The following LBH variants were observed in gnomAD, a reference collection of about 807,000 sequenced individuals.
LBH encodes the protein LBH regulator of Wnt signaling pathway, also known as protein LBH.
Under a neutral mutation model 12.5 loss-of-function variants are expected in LBH, and 7 were observed. The ratio of observed to expected loss-of-function variants is 0.56; its 90% CI spans 0.32 to 1.05. The LOEUF (loss-of-function observed/expected upper bound fraction) is 1.05. Among genes scored for constraint, LBH ranks in the 50% least tolerant of loss-of-function variants. The pLI, the probability that LBH is intolerant of heterozygous loss-of-function variation, is 0.04. For missense variants in LBH, 119 were observed against 138.9 expected (o/e 0.86, Z 0.72); for synonymous variants, 51 against 50.1 (o/e 1.02, Z -0.08).
intron 2 of LBH, among the ~76,000 whole-genome samples, chr2:30,252,951 T>C (rs941677911): frequency 6.6e-6 from 1 of 152,190 alleles, no homozygotes; most frequent in Non-Finnish European, 1.5e-5. Context: ...GATTTGTGTT[T>C]GTTTTTGCCT....
intron 2 of LBH, among the ~76,000 whole-genome samples, chr2:30,249,871 T>C (rs1048080360): frequency 2.6e-5 from 4 of 152,176 alleles, no homozygotes; most frequent in African/African-American, 9.7e-5. Context: ...AGATCAGCAT[T>C]AGCACTGACC....
intron 2 of LBH, among the ~76,000 whole-genome samples, chr2:30,239,097 G>A (rs1440026962): frequency 6.6e-6 from 1 of 151,914 alleles, no homozygotes; most frequent in Non-Finnish European, 1.5e-5. Flanking sequence ...CTCCACGTTG[G>A]CCCTTCCCAC....
chr2:30,248,032 T>C (rs1677907006), intron 2 of LBH, among the ~76,000 whole-genome samples: 1 of 152,196 alleles, frequency 6.6e-6, no homozygotes, highest in Admixed American at 6.5e-5. Context: ...GCAGTTGAGC[T>C]TGGAGAATGG....
intron 2 of LBH, among the ~76,000 whole-genome samples, chr2:30,252,272 C>CAGTATAGTGTTA (rs1172747501): frequency 1.3e-5 from 2 of 152,196 alleles, no homozygotes; most frequent in East Asian, 3.8e-4. Context: ...CTCTCTCCTG[C>CAGTATAGTGTTA]CACCTTGTGA....
At chr2:30,237,064 T>G (rs1558385735) in intron 2 of LBH, among the ~76,000 whole-genome samples, 1 of 152,192 alleles carries the variant, frequency 6.6e-6, no homozygotes, top group Admixed American at 6.5e-5. Flanking sequence ...TGGCTGGGAC[T>G]GGCACTTGGC....
chr2:30,252,661 CAAAAAAA>C (rs563770027), intron 2 of LBH, among the ~76,000 whole-genome samples: 1 of 131,748 alleles, frequency 7.6e-6, no homozygotes, highest in Non-Finnish European at 1.7e-5. Flanking sequence ...GACTCCGTCT[CAAAAAAA>C]AAAAAAACCT....
chr2:30,232,351 C>T, intron 1 of LBH: 1 of 1,136,650 alleles, frequency 8.8e-7, no homozygotes, highest in Non-Finnish European at 1.2e-6. Flanking sequence ...TAAAAACCGA[C>T]GCACATTGGT....
intron 2 of LBH, among the ~76,000 whole-genome samples, chr2:30,250,964 A>G (rs1375668559): frequency 1.3e-5 from 2 of 151,914 alleles, no homozygotes; most frequent in Non-Finnish European, 2.9e-5. Context: ...ATTGATATTT[A>G]TAGTATATAA....
At chr2:30,255,050 T>G (rs887863853) in intron 2 of LBH, among the ~76,000 whole-genome samples, 4 of 152,246 alleles carry the variant, frequency 2.6e-5, no homozygotes, top group African/African-American at 9.6e-5. Context: ...AGATGTAGGT[T>G]TGAATCCTGG....
In LBH at chr2:30,231,670, C is replaced by A; in HGVS notation, c.-69C>A. On this transcript the variant is annotated 5_prime_UTR_variant, in exon 1 of 3. Transcript: ENST00000395323. Reference sequence around the variant, plus strand: ...CTGCCGTGCCCGTCTGCGCCCGTGTCATCCTCACTCGGGACGCAGGGACCG... The same window carrying A: ...CTGCCGTGCCCGTCTGCGCCCGTGTAATCCTCACTCGGGACGCAGGGACCG... 2 of 1,486,600 alleles carry A rather than the reference C, an allele frequency of 1.3e-6. No individual in the cohort carries two copies. Among genetic ancestry groups the A allele is most frequent in the South Asian group, 1.2e-5 (1 of 86,278 alleles). 92.1% of individuals were successfully genotyped at this position (1,486,600 alleles called of 1,614,324 possible).
intron 2 of LBH, among the ~76,000 whole-genome samples, chr2:30,250,146 C>T (rs186007101): frequency 6.6e-6 from 1 of 152,164 alleles, no homozygotes; most frequent in Non-Finnish European, 1.5e-5. Flanking sequence ...GAGCAATTTT[C>T]CTGAGCGGGT....
chr2:30,238,728 C>T (rs927316792), intron 2 of LBH, among the ~76,000 whole-genome samples: 2 of 152,126 alleles, frequency 1.3e-5, no homozygotes, highest in Non-Finnish European at 2.9e-5. Context: ...TAGTATTTGC[C>T]TCGTGCAGTT....
chr2:30,232,166 C>A, intron 1 of LBH: 2 of 1,541,900 alleles, frequency 1.3e-6, no homozygotes, highest in South Asian at 2.4e-5. Flanking sequence ...TGTTTGCATG[C>A]AAGTCTCAAC....
chr2:30,231,708 A>T lies in LBH; in HGVS notation c.-31A>T. 1 of 1,585,922 alleles carries T rather than the reference A, an allele frequency of 6.3e-7. No homozygotes were observed. Among genetic ancestry groups the T allele is most frequent in the African/African-American group, 1.4e-5 (1 of 72,818 alleles). On this transcript the variant is annotated 5_prime_UTR_variant, in exon 1 of 3. Transcript: ENST00000395323. The stretch of plus-strand genomic sequence containing the variant: ...GACGCAGGGACCGTTTTTAAATCAC[A>T]GGGGCGTGTGTCAGCCTGCCCTAGG...
At chr2:30,232,872 G>A (rs1442929850) in intron 1 of LBH, 1 of 152,362 alleles carries the variant, frequency 6.6e-6, no homozygotes, top group East Asian at 1.9e-4. Context: ...CCCAGCTCCC[G>A]AACCTAAACT....
chr2:30,242,664 A>T (rs1311565631), intron 2 of LBH, among the ~76,000 whole-genome samples: 1 of 152,248 alleles, frequency 6.6e-6, no homozygotes, highest in Non-Finnish European at 1.5e-5. Context: ...TTTTCTATGC[A>T]CTTAAAAAAT....
rs766082860 is a variant in LBH, at chr2:30,257,581, A to G, written c.278A>G (p.Asp93Gly). The change falls in exon 3 of 3, where the codon GAT (aspartate) becomes GGT (glycine). Residue 93 changes from aspartate to glycine, a missense_variant. Asp to Gly is a moderately conservative substitution (Grantham distance 94, BLOSUM62 -1). Coordinates refer to ENST00000395323, the MANE Select transcript of LBH (RefSeq NM_030915.4). ...TTCCTGGTCCAGGAGGATGAGCAAG[A>G]TAACTGCGAAGAGACAGCGAAAGAA... ...EEFLVQEDEQ[D>G]NCEETAKENK... The G allele has an allele frequency of 4.3e-6, 7 of 1,613,998 alleles. No individual in the cohort carries two copies. Among genetic ancestry groups the G allele is most frequent in the South Asian group, 2.2e-5 (2 of 91,072 alleles).
chr2:30,243,480 T>C (rs989650172), intron 2 of LBH, among the ~76,000 whole-genome samples: 7 of 151,554 alleles, frequency 4.6e-5, no homozygotes, highest in Non-Finnish European at 8.8e-5. Context: ...GAATAACTCA[T>C]GGTTGAGAAA....
intron 2 of LBH, among the ~76,000 whole-genome samples, chr2:30,245,469 G>A (rs1457138532): frequency 2.6e-5 from 4 of 152,292 alleles, no homozygotes; most frequent in African/African-American, 7.2e-5. Context: ...GAATCAAAGC[G>A]ATGGCACTGT....
Sources: allele counts gnomAD v4.1 joint callset (sites outside exome capture counted in the v4.1 genomes callset), GRCh38; gene constraint gnomAD v4.1.1; transcripts MANE v1.5; gene names NCBI Gene and HGNC (gene_info 2026-07-23, HGNC 2026-07-21).